The following CYP2C19 variants were observed in gnomAD, a reference collection of about 807,000 sequenced individuals.
CYP2C19 encodes cytochrome P450 2C19.
In CYP2C19, 59 loss-of-function variants were observed where a neutral mutation model predicts 40.9. The ratio of observed to expected loss-of-function variants is 1.44; its 90% CI spans 1.17 to 1.79. CYP2C19 has a LOEUF of 1.79. Ranked by LOEUF, CYP2C19 falls within the 40% of genes most tolerant of loss-of-function variation. The pLI, the probability that CYP2C19 is intolerant of heterozygous loss-of-function variation, is 0.00. For missense variants in CYP2C19, 754 were observed against 596.9 expected, an observed-to-expected ratio of 1.26 and a Z score of -2.74; for synonymous variants, 253 against 208.7, an observed-to-expected ratio of 1.21 and a Z score of -1.83.
chr10:94,809,985 G>C (rs555224050), intron 5 of CYP2C19, among the ~76,000 whole-genome samples: 2 of 152,162 alleles, frequency 1.3e-5, no homozygotes, highest in Admixed American at 6.5e-5. Context: ...AGATTCAAGT[G>C]TTTCTCCTGC....
At chr10:94,769,151 G>A (rs759638354) in intron 1 of CYP2C19, among the ~76,000 whole-genome samples, 8 of 151,916 alleles carry the variant, frequency 5.3e-5, no homozygotes, top group Non-Finnish European at 1.2e-4. Flanking sequence ...GGCAAAGCTG[G>A]GCCTTTGACC....
At chr10:94,832,237 G>C (rs1261715704) in intron 6 of CYP2C19, among the ~76,000 whole-genome samples, 2 of 152,210 alleles carry the variant, frequency 1.3e-5, no homozygotes, top group East Asian at 3.9e-4. Context: ...CACAAGACCG[G>C]GTAATTTATA....
intron 6 of CYP2C19, among the ~76,000 whole-genome samples, chr10:94,820,889 G>A (rs767262422): frequency 6.6e-6 from 1 of 152,136 alleles, no homozygotes; most frequent in African/African-American, 2.4e-5. Context: ...TTCAAGACCA[G>A]CCTGGCCAAT....
At chr10:94,830,712 T>C (rs1318119406) in intron 6 of CYP2C19, among the ~76,000 whole-genome samples, 3 of 152,210 alleles carry the variant, frequency 2.0e-5, no homozygotes, top group East Asian at 3.8e-4. Flanking sequence ...ATATTACTTA[T>C]ATATACTAAC....
rs188269722 is a variant in CYP2C19, at chr10:94,783,805, A to G, written c.819+1808A>G. On this transcript the variant is annotated intron_variant, in intron 5 of 8. Transcript: ENST00000371321. ...CTGGGTCCCTTGAATCTTCATATGA[A>G]ATTTAGGATCAACTTGTCAATTTCT... is the stretch of plus-strand genomic sequence containing the variant. Among the ~76,000 whole-genome samples, 237 of 152,174 alleles carry G rather than the reference A, an allele frequency of 1.6e-3. 1 individual carries two copies. The highest frequency in any genetic ancestry group is 2.8e-3 in the Non-Finnish European group (187 of 67,998).
intron 1 of CYP2C19, among the ~76,000 whole-genome samples, chr10:94,772,168 C>T (rs1326262845): frequency 6.6e-6 from 1 of 152,128 alleles, no homozygotes; most frequent in African/African-American, 2.4e-5. Context: ...CTTTTGTCCT[C>T]ATTTATATGA....
intron 5 of CYP2C19, among the ~76,000 whole-genome samples, chr10:94,800,868 A>G (rs766864791): frequency 5.3e-5 from 8 of 152,198 alleles, no homozygotes; most frequent in East Asian, 1.9e-4. Flanking sequence ...TGCTAAGACC[A>G]TGGGAAAAGC....
chr10:94,776,341 T>C (rs894760117), intron 3 of CYP2C19: 27 of 152,206 alleles, frequency 1.8e-4, no homozygotes, highest in Admixed American at 1.3e-3. Context: ...TTTCCAATCA[T>C]ATTTATGAAA....
At chr10:94,792,906 G>C (rs553244688) in intron 5 of CYP2C19, among the ~76,000 whole-genome samples, 2 of 152,248 alleles carry the variant, frequency 1.3e-5, no homozygotes, top group East Asian at 3.9e-4. Flanking sequence ...GGCCTCTCTT[G>C]CTAGGTTGGG....
intron 1 of CYP2C19, among the ~76,000 whole-genome samples, chr10:94,763,941 G>T (rs1212536027): frequency 6.6e-6 from 1 of 152,086 alleles, no homozygotes; most frequent in Non-Finnish European, 1.5e-5. Flanking sequence ...TGGGTTCATG[G>T]TCTTGCTGAC....
intron 1 of CYP2C19, among the ~76,000 whole-genome samples, chr10:94,771,780 C>A (rs769898582): frequency 3.3e-5 from 5 of 152,214 alleles, no homozygotes; most frequent in Admixed American, 2.0e-4. Flanking sequence ...AGCAGAAACA[C>A]CTCTTGCCCA....
intron 3 of CYP2C19, among the ~76,000 whole-genome samples, chr10:94,777,270 T>C (rs193111056): frequency 6.6e-6 from 1 of 152,122 alleles, no homozygotes; most frequent in Non-Finnish European, 1.5e-5. Flanking sequence ...CAAGCTGCCA[T>C]TGAGTTTCTT....
At chr10:94,781,467 A>G (rs2134240264) in intron 4 of CYP2C19, among the ~76,000 whole-genome samples, 1 of 152,260 alleles carries the variant, frequency 6.6e-6, no homozygotes, top group East Asian at 1.9e-4. Context: ...CTTTTAACCT[A>G]TGCTATCATC....
In CYP2C19 at chr10:94,852,939, C is replaced by T. The variant is rs376249059; in HGVS notation, c.*25C>T. 70 of 1,612,318 alleles carry T rather than the reference C, an allele frequency of 4.3e-5. No individual in the cohort carries two copies. In the Middle Eastern group the frequency reaches 6.6e-4, roughly 15 times the overall value. On this transcript the variant is annotated 3_prime_UTR_variant, in exon 9 of 9. Transcript: ENST00000371321. Reference sequence around the variant, plus strand: ...AAGAAGCACAGATGGTCTGGCTGCTCCTGTGCTGTCCCTGCAGCTCTCTTT... The same window carrying T: ...AAGAAGCACAGATGGTCTGGCTGCTTCTGTGCTGTCCCTGCAGCTCTCTTT...
chr10:94,850,312 A>G (rs1323225093), intron 8 of CYP2C19, among the ~76,000 whole-genome samples: 2 of 152,166 alleles, frequency 1.3e-5, no homozygotes, highest in Non-Finnish European at 2.9e-5. Context: ...TTCTGCCTCT[A>G]GATACACCAC....
chr10:94,775,287 G>A (rs1848392019), intron 2 of CYP2C19, 67 bp downstream of exon 2: 1 of 1,612,726 alleles, frequency 6.2e-7, no homozygotes, highest in Non-Finnish European at 8.5e-7. Context: ...CAGACTAGCA[G>A]AGCTTCTCGG....
chr10:94,792,154 A>C (rs561830470), intron 5 of CYP2C19, among the ~76,000 whole-genome samples: 1 of 152,200 alleles, frequency 6.6e-6, no homozygotes, highest in Non-Finnish European at 1.5e-5. Context: ...TGTTGGTTAA[A>C]GTCTGTTTTA....
chr10:94,836,867 T>C (rs1388315259), intron 6 of CYP2C19, among the ~76,000 whole-genome samples: 1 of 152,202 alleles, frequency 6.6e-6, no homozygotes, highest in South Asian at 2.1e-4. Flanking sequence ...ATCCACGTAC[T>C]GAAGGACAAG....
chr10:94,830,615 T>G lies in CYP2C19; in HGVS notation c.961+9978T>G, dbSNP rs1230291825. 2.0e-5 allele frequency among the ~76,000 whole-genome samples: 3 copies of G among 152,232 alleles called. No individual in the cohort carries two copies. The East Asian group carries it at 5.8e-4, about 29-fold the overall frequency. On this transcript the variant is annotated intron_variant, in intron 6 of 8. Transcript: ENST00000371321. ...ATGGAAATGCAGAAATCACCCATCT[T>G]CTGCGTCACTCATGCTGGGAGCTGT...
Sources: gnomAD v4.1 joint callset for allele counts (sites outside exome capture counted in the v4.1 genomes callset) on GRCh38, gnomAD v4.1.1 for gene constraint, MANE v1.5 for transcripts, NCBI Gene and HGNC (gene_info 2026-07-23, HGNC 2026-07-21) for gene names.